Variants in TM4SF5 observed in about 807,000 individuals in gnomAD.
TM4SF5 encodes transmembrane 4 L six family member 5.
A neutral mutation model predicts 22.3 loss-of-function variants in TM4SF5; 16 were observed. The ratio of observed to expected loss-of-function variants is 0.72; its 90% CI spans 0.49 to 1.09. The LOEUF is 1.09. Among genes scored for constraint, TM4SF5 ranks in the 50% least tolerant of loss-of-function variants. The probability of loss-of-function intolerance (pLI) is 0.00; values close to 1 mark genes in which losing one functional copy is unlikely to be tolerated. For missense variants in TM4SF5, 249 were observed against 266.1 expected, an observed-to-expected ratio of 0.94 and a Z score of 0.45; for synonymous variants, 113 against 109.6, an observed-to-expected ratio of 1.03 and a Z score of -0.19.
intron 1 of TM4SF5, among the ~76,000 whole-genome samples, chr17:4,772,550 A>G (rs1317858941): frequency 6.6e-6 from 1 of 152,016 alleles, no homozygotes; most frequent in Non-Finnish European, 1.5e-5. Flanking sequence ...CTCCACGTCC[A>G]TTCACTCTCA....
At chr17:4,781,885 G>A (rs1174431167) in intron 2 of TM4SF5, among the ~76,000 whole-genome samples, 1 of 151,902 alleles carries the variant, frequency 6.6e-6, no homozygotes, top group African/African-American at 2.4e-5. Context: ...AAAGCCAGCG[G>A]CCGCCGAGAT....
Position 4,782,876 on chromosome 17 carries a change from A to G in TM4SF5, c.418A>G (p.Thr140Ala), listed in dbSNP as rs1229579582. Reference sequence around the variant, plus strand: ...CAGGGGAGCTTACTTGCTCAACCGCACTCTATGGGATCGGTGCGAGGCGCC... The same window carrying G: ...CAGGGGAGCTTACTTGCTCAACCGCGCTCTATGGGATCGGTGCGAGGCGCC... ...DTAGAYLLNRTLWDRCEAPPR... is the reference protein window; with the variant it reads ...DTAGAYLLNRALWDRCEAPPR... Residue 140 changes from threonine to alanine, a missense_variant, in exon 4 of 5, where the codon ACT (threonine) becomes GCT (alanine). Physicochemically the swap from Thr to Ala is moderately conservative, Grantham distance 58 (BLOSUM62 0). Transcript: ENST00000270560. 6.2e-7 allele frequency: 1 copy of G among 1,613,316 alleles called. No individual in the cohort carries two copies. The highest frequency in any genetic ancestry group is 1.1e-5 in the South Asian group (1 of 91,040).
chr17:4,772,632 G>C (rs766450003), intron 1 of TM4SF5, among the ~76,000 whole-genome samples: 1 of 152,150 alleles, frequency 6.6e-6, no homozygotes, highest in East Asian at 1.9e-4. Flanking sequence ...AGTATGGCAG[G>C]GAGGATGCCC....
Position 4,783,130 on chromosome 17 carries a change from G to A in TM4SF5, c.*2G>A, listed in dbSNP as rs1597300886. On this transcript the variant is annotated 3_prime_UTR_variant, in exon 5 of 5. Transcript: ENST00000270560. ...TTTCCGCAGGACACACCTCACTGAGGCTCCACTGACCGCCGGGTTACACCT... is the reference window on the plus strand; with the variant it reads ...TTTCCGCAGGACACACCTCACTGAGACTCCACTGACCGCCGGGTTACACCT... 2 of 1,613,816 alleles carry A rather than the reference G, an allele frequency of 1.2e-6. No individual in the cohort carries two copies. Among genetic ancestry groups the A allele is most frequent in the East Asian group, 2.2e-5 (1 of 44,878 alleles).
chr17:4,772,802 A>G (rs1300542939), intron 1 of TM4SF5, among the ~76,000 whole-genome samples: 5 of 150,066 alleles, frequency 3.3e-5, no homozygotes, highest in South Asian at 2.1e-4. Context: ...TGTAGCCCCA[A>G]CCTCCTGGGC....
intron 1 of TM4SF5, among the ~76,000 whole-genome samples, chr17:4,774,465 G>A (rs1917172582): frequency 6.7e-6 from 1 of 148,402 alleles, no homozygotes; most frequent in South Asian, 2.1e-4. Context: ...TCCTAGTTTG[G>A]GCCCAGAAAT....
intron 2 of TM4SF5, 89 bp downstream of exon 2, chr17:4,780,958 CG>C (rs1917294170): frequency 8.9e-7 from 1 of 1,125,664 alleles, no homozygotes; most frequent in Non-Finnish European, 1.3e-6. Flanking sequence ...GGTGGGAGTA[CG>C]GCTTGAGCCA....
chr17:4,775,062 G>A (rs1917181208), intron 1 of TM4SF5, among the ~76,000 whole-genome samples: 1 of 152,094 alleles, frequency 6.6e-6, no homozygotes, highest in South Asian at 2.1e-4. Flanking sequence ...GAGTGTTGCA[G>A]ACACTAGGGG....
At chr17:4,780,721 G>A (rs905495718) in intron 1 of TM4SF5, 68 bp from the exon 2 acceptor site, 2 of 1,321,968 alleles carry the variant, frequency 1.5e-6, no homozygotes, top group Non-Finnish European at 2.1e-6. Flanking sequence ...GAAGGAGGTA[G>A]GCACTGATGC....
chr17:4,778,411 T>C (rs1917243896), intron 1 of TM4SF5, among the ~76,000 whole-genome samples: 1 of 151,504 alleles, frequency 6.6e-6, no homozygotes, highest in African/African-American at 2.4e-5. Flanking sequence ...GCCCAGGAGT[T>C]CGAGATCAGC....
intron 1 of TM4SF5, among the ~76,000 whole-genome samples, chr17:4,779,442 G>GA (rs935618801): frequency 2.2e-4 from 32 of 147,372 alleles, no homozygotes; most frequent in South Asian, 6.4e-4. Flanking sequence ...AAGAAAGAAA[G>GA]AAAAAAAAAA....
Position 4,771,936 on chromosome 17 carries a change from A to G in TM4SF5, c.14A>G (p.Lys5Arg). 1 of 1,614,084 alleles carries G rather than the reference A, an allele frequency of 6.2e-7. No individual in the cohort carries two copies. Among genetic ancestry groups the G allele is most frequent in the Non-Finnish European group, 8.5e-7 (1 of 1,179,998 alleles). ...TGACACCTCACCATGTGTACGGGAA[A>G]ATGTGCCCGCTGTGTGGGGCTCTCC... MCTGKCARCVGLSLI... is the reference protein window; with the variant it reads MCTGRCARCVGLSLI... Residue 5 changes from lysine (K) to arginine (R), a missense_variant, in exon 1 of 5, where the codon AAA becomes AGA. Physicochemically the swap from Lys to Arg is conservative, Grantham distance 26. Coordinates refer to ENST00000270560, the MANE Select transcript of TM4SF5 (RefSeq NM_003963.3).
At position 4,771,997 on chromosome 17, in the gene TM4SF5, C is replaced by G; in HGVS notation, c.75C>G (p.Asn25Lys). 1 of 1,614,190 alleles carries G rather than the reference C, an allele frequency of 6.2e-7. No individual in the cohort carries two copies. Among genetic ancestry groups the G allele is most frequent in the Non-Finnish European group, 8.5e-7 (1 of 1,180,040 alleles). ...ITLCLVCIVA[N>K]ALLLVPNGET... ...TCTGCCTCGTCTGCATTGTGGCCAA[C>G]GCCCTCCTGCTGGTACCTAATGGGG... The change falls in exon 1 of 5, where the codon AAC becomes AAG. Residue 25 changes from asparagine (N) to lysine (K), a missense_variant. Physicochemically the swap from Asn to Lys is moderately conservative, Grantham distance 94. Transcript: ENST00000270560.
At chr17:4,781,752 C>T (rs141863094) in intron 2 of TM4SF5, among the ~76,000 whole-genome samples, 9,122 of 151,978 alleles carry the variant, frequency 0.06, 912 homozygotes, top group African/African-American at 0.21. Context: ...TGGCCTCAGG[C>T]GATCTGCCCC....
intron 1 of TM4SF5, among the ~76,000 whole-genome samples, chr17:4,778,756 G>T (rs1340989165): frequency 6.6e-6 from 1 of 152,042 alleles, no homozygotes; most frequent in Admixed American, 6.6e-5. Context: ...CAAGAGTTAG[G>T]CGTTCAAGTT....
chr17:4,773,172 TG>T (rs1696033707), intron 1 of TM4SF5, among the ~76,000 whole-genome samples: 1 of 152,094 alleles, frequency 6.6e-6, no homozygotes, highest in African/African-American at 2.4e-5. Context: ...CCCAAAGTGC[TG>T]GGATTACAGA....
In TM4SF5 at chr17:4,782,535, G is replaced by A; in HGVS notation, c.291G>A (p.Gly97=). 6.2e-7 allele frequency: 1 copy of A among 1,614,090 alleles called. No individual in the cohort carries two copies. The highest frequency in any genetic ancestry group is 8.5e-7 in the Non-Finnish European group (1 of 1,180,026). The change falls in exon 3 of 5, where the codon GGG becomes GGA. Residue 97 remains glycine (G), a synonymous_variant. Transcript: ENST00000270560. ...GCTCGGTCTTCTCCTCGGCGTTCGG[G>A]GTGCTTGGTGCCATCTACTGCCTCT... ...MLRSVFSSAF[G]VLGAIYCLSV...
rs762363953 is a variant in TM4SF5 at position 4,782,937 on chromosome 17, C to A, written c.479C>A (p.Ser160Ter). The change falls in exon 4 of 5, where the codon TCG becomes TAG. Residue 160 changes from serine to a stop codon, truncating the protein, a stop_gained. Transcript: ENST00000270560. LOFTEE classifies it high-confidence loss of function. ...GTCCCCTGGAATGTGACGCTCTTCT[C>A]GCTGCTGGTGGCCGCCTCCTGCCTG... is the stretch of plus-strand genomic sequence containing the variant. ...RVVPWNVTLF[S>*]LLVAASCLEI... 1.9e-6 allele frequency: 3 copies of A among 1,614,266 alleles called. No individual in the cohort carries two copies. The East Asian group carries it at 6.7e-5, about 36-fold the overall frequency.
intron 1 of TM4SF5, among the ~76,000 whole-genome samples, chr17:4,776,311 G>GT (rs1238380805): frequency 4.0e-5 from 6 of 149,908 alleles, no homozygotes; most frequent in East Asian, 2.0e-4. Context: ...TTGCTTTTTT[G>GT]TTTTTTTTGA....
Sources: allele counts gnomAD v4.1 joint callset (sites outside exome capture counted in the v4.1 genomes callset), GRCh38; gene constraint gnomAD v4.1.1; transcripts MANE v1.5; gene names NCBI Gene and HGNC (gene_info 2026-07-23, HGNC 2026-07-21).